The following FHIP1A variants were observed in gnomAD, a reference collection of about 807,000 sequenced individuals.
FHIP1A encodes FHF complex subunit HOOK interacting protein 1A.
A neutral mutation model predicts 88.6 loss-of-function variants in FHIP1A; 61 were observed. The ratio of observed to expected loss-of-function variants is 0.69; its 90% CI spans 0.56 to 0.85. The LOEUF is 0.85. Among genes scored for constraint, FHIP1A ranks in the 40% least tolerant of loss-of-function variants. The pLI is 0.00. For synonymous variants in FHIP1A, 478 were observed against 496.0 expected (o/e 0.96, Z 0.48); for missense variants, 1,154 against 1,273.5 (o/e 0.91, Z 1.43).
intron 11 of FHIP1A, among the ~76,000 whole-genome samples, chr4:151,655,803 C>T (rs1430612926): frequency 6.6e-6 from 1 of 152,114 alleles, no homozygotes; most frequent in Non-Finnish European, 1.5e-5. Context: ...TTTTAATGGC[C>T]TTTGGTGCTT....
At chr4:151,629,582 G>C (rs773147553) in intron 7 of FHIP1A, 120 bp from the exon 8 acceptor site, 4 of 768,234 alleles carry the variant, frequency 5.2e-6, no homozygotes, top group Non-Finnish European at 8.3e-6. Context: ...GTGTGTTTTC[G>C]TGGGCAGGCA....
intron 4 of FHIP1A, among the ~76,000 whole-genome samples, chr4:151,573,659 T>C (rs1269165083): frequency 1.3e-5 from 2 of 151,940 alleles, no homozygotes; most frequent in African/African-American, 4.8e-5. Flanking sequence ...GTTGAGAGTA[T>C]AAGACAGCTG....
At chr4:151,464,020 A>C (rs981042875) in intron 2 of FHIP1A, among the ~76,000 whole-genome samples, 4 of 152,068 alleles carry the variant, frequency 2.6e-5, no homozygotes, top group Non-Finnish European at 2.9e-5. Flanking sequence ...CTCCTTAGCC[A>C]GTTTGATATT....
At chr4:151,616,012 C>T (rs749669793) in intron 7 of FHIP1A, among the ~76,000 whole-genome samples, 2 of 151,948 alleles carry the variant, frequency 1.3e-5, no homozygotes, top group Admixed American at 1.3e-4. Flanking sequence ...TAGGATTGCC[C>T]GTGTGTTGCC....
chr4:151,477,321 G>C (rs953127887), intron 2 of FHIP1A, among the ~76,000 whole-genome samples: 2 of 152,128 alleles, frequency 1.3e-5, no homozygotes, highest in Admixed American at 6.5e-5. Flanking sequence ...TAGCTGTCTG[G>C]CGGAAAAGGT....
intron 9 of FHIP1A, among the ~76,000 whole-genome samples, chr4:151,643,406 C>T (rs893907764): frequency 7.9e-5 from 12 of 152,156 alleles, no homozygotes; most frequent in Admixed American, 3.9e-4. Context: ...ATAATCAAAT[C>T]GGGATCATTA....
At chr4:151,453,313 G>A (rs1424017583) in intron 1 of FHIP1A, among the ~76,000 whole-genome samples, 1 of 152,028 alleles carries the variant, frequency 6.6e-6, no homozygotes, top group Non-Finnish European at 1.5e-5. Context: ...ACTGCACCTG[G>A]CCCATAGTTT....
chr4:151,443,957 T>C (rs1363284900), intron 1 of FHIP1A, among the ~76,000 whole-genome samples: 2 of 150,918 alleles, frequency 1.3e-5, no homozygotes, highest in Non-Finnish European at 2.9e-5. Context: ...GAGATGGGAG[T>C]GCTAACTGTC....
chr4:151,417,892 G>A (rs968369124), intron 1 of FHIP1A, among the ~76,000 whole-genome samples: 8 of 152,112 alleles, frequency 5.3e-5, no homozygotes, highest in Non-Finnish European at 5.9e-5. Context: ...AAATCTGCCA[G>A]GCCCAATGGC....
rs566148452 is a variant in FHIP1A at position 151,548,659 on chromosome 4, C to T, written c.-122-17479C>T. Reference sequence around the variant, plus strand: ...CTATATGGCCAGGCACAGTGGCTCACGCCTGTAATCCTAGCACTTTGGGAG... The same window carrying T: ...CTATATGGCCAGGCACAGTGGCTCATGCCTGTAATCCTAGCACTTTGGGAG... On this transcript the variant is annotated intron_variant, in intron 3 of 13. Transcript: ENST00000435205. Among the ~76,000 whole-genome samples the T allele has an allele frequency of 5.3e-5, 8 of 152,264 alleles. No individual in the cohort carries two copies. In the East Asian group the frequency reaches 5.8e-4, roughly 11 times the overall value.
chr4:151,651,412 G>T (rs1426706514), intron 11 of FHIP1A, among the ~76,000 whole-genome samples: 1 of 152,206 alleles, frequency 6.6e-6, no homozygotes, highest in Non-Finnish European at 1.5e-5. Context: ...GCTCAGGGAA[G>T]GCCAGGGTGG....
intron 3 of FHIP1A, among the ~76,000 whole-genome samples, chr4:151,556,641 T>G (rs1028688253): frequency 2.6e-5 from 4 of 152,132 alleles, no homozygotes; most frequent in African/African-American, 9.7e-5. Flanking sequence ...CAGTTTTGTA[T>G]AGTCATTTCA....
In FHIP1A at chr4:151,629,849, C is replaced by A; in HGVS notation, c.1126C>A (p.Arg376=). The A allele has an allele frequency of 1.3e-6, 2 of 1,551,078 alleles. No homozygotes were observed. The highest frequency in any genetic ancestry group is 1.2e-5 in the South Asian group (1 of 83,956). The change falls in exon 8 of 14, where the codon CGA becomes AGA. Residue 376 remains arginine, a synonymous_variant. Coordinates refer to ENST00000435205, the MANE Select transcript of FHIP1A (RefSeq NM_001109977.3). ...NVHILDTLTS[R]INTPFRLCVV... is the part of the protein sequence containing the mutation. ...CCACATCCTAGACACTCTCACGAGTCGAATCAACACCCCGTTTCGGGTAAG... is the reference window on the plus strand; with the variant it reads ...CCACATCCTAGACACTCTCACGAGTAGAATCAACACCCCGTTTCGGGTAAG...
intron 3 of FHIP1A, among the ~76,000 whole-genome samples, chr4:151,521,751 G>T (rs189728224): frequency 6.6e-6 from 1 of 151,970 alleles, no homozygotes; most frequent in Non-Finnish European, 1.5e-5. Flanking sequence ...TCAAGACAGG[G>T]TCTTGCTCTG....
In FHIP1A at chr4:151,515,601, A is replaced by G. The variant is rs528876555; in HGVS notation, c.-123+32953A>G. 3.1e-3 allele frequency among the ~76,000 whole-genome samples: 472 copies of G among 152,374 alleles called. 4 individuals are homozygous for G. The highest frequency in any genetic ancestry group is 5.8e-3 in the Non-Finnish European group (395 of 68,046). On this transcript the variant is annotated intron_variant, in intron 3 of 13. Transcript: ENST00000435205. ...TCCTTAAGCTGATAGCAACTTCAGC[A>G]AAGTCTCAGGATACAAAATCAATGT...
At chr4:151,482,086 A>G (rs1479646389) in intron 2 of FHIP1A, among the ~76,000 whole-genome samples, 1 of 152,178 alleles carries the variant, frequency 6.6e-6, no homozygotes, top group East Asian at 1.9e-4. Context: ...AAAGTTACTC[A>G]GAAATATTTG....
intron 2 of FHIP1A, among the ~76,000 whole-genome samples, chr4:151,460,502 A>C (rs1244343111): frequency 6.6e-6 from 1 of 152,144 alleles, no homozygotes; most frequent in Non-Finnish European, 1.5e-5. Flanking sequence ...TTAATATTTT[A>C]AGTTTCATAT....
chr4:151,556,945 A>C (rs185817105), intron 3 of FHIP1A, among the ~76,000 whole-genome samples: 5 of 152,118 alleles, frequency 3.3e-5, no homozygotes, highest in African/African-American at 1.2e-4. Flanking sequence ...AATGAGAAAA[A>C]AAAAATGTGT....
intron 3 of FHIP1A, among the ~76,000 whole-genome samples, chr4:151,556,122 G>A (rs1055538477): frequency 1.2e-4 from 18 of 152,004 alleles, no homozygotes; most frequent in African/African-American, 4.3e-4. Context: ...ATTATAATAT[G>A]CGTATTTTTG....
Sources: gnomAD v4.1 joint callset for allele counts (sites outside exome capture counted in the v4.1 genomes callset) on GRCh38, gnomAD v4.1.1 for gene constraint, MANE v1.5 for transcripts, NCBI Gene and HGNC (gene_info 2026-07-23, HGNC 2026-07-21) for gene names.